PIAS2: variants seen among roughly 807,000 people sequenced by gnomAD.
PIAS2 encodes protein inhibitor of activated STAT 2.
PIAS2 carries 19 observed loss-of-function variants against 69.7 expected under a neutral mutation model. That is an observed-to-expected ratio of 0.27 (90% CI 0.19 to 0.40). PIAS2 has a LOEUF of 0.40. Among genes scored for constraint, PIAS2 ranks in the 10% least tolerant of loss-of-function variants. The probability of loss-of-function intolerance (pLI) is 1.00; values close to 1 mark genes in which losing one functional copy is unlikely to be tolerated. For synonymous variants in PIAS2, 261 were observed against 263.2 expected (o/e 0.99, Z 0.08); for missense variants, 624 against 757.0 (o/e 0.82, Z 2.06).
intron 5 of PIAS2, among the ~76,000 whole-genome samples, chr18:46,847,406 G>T (rs1358703805): frequency 6.6e-6 from 1 of 151,926 alleles, no homozygotes; most frequent in Non-Finnish European, 1.5e-5. Context: ...CATTTCAGTT[G>T]TCATTAAATG....
intron 8 of PIAS2, 93 bp downstream of exon 8, chr18:46,843,961 T>C (rs1431276430): frequency 4.3e-6 from 3 of 695,664 alleles, no homozygotes; most frequent in Non-Finnish European, 7.3e-6. Context: ...GCATTCTTCA[T>C]AATATATCAT....
chr18:46,917,254 A>G, intron 1 of PIAS2, 68 bp downstream of exon 1: 1 of 1,425,876 alleles, frequency 7.0e-7, no homozygotes, highest in Admixed American at 2.5e-5. Context: ...GCGGCCGGCG[A>G]CGTTGCGGTT....
At chr18:46,899,117 G>A (rs552950100) in intron 1 of PIAS2, among the ~76,000 whole-genome samples, 8 of 151,412 alleles carry the variant, frequency 5.3e-5, no homozygotes, top group Admixed American at 2.0e-4. Context: ...AAATTCCAAC[G>A]ACTGGTTAAT....
chr18:46,809,557 ACCAG>A lies in PIAS2; in HGVS notation c.*2872_*2875del, dbSNP rs1288896550. On this transcript the variant is annotated 3_prime_UTR_variant, in exon 14 of 14. Transcript: ENST00000585916. ...GATCACCTGAGGTCGGGAGTTCGAGACCAGCCTGACCAAAATGGAGAAACCCCGT... is the reference window on the plus strand; with the variant it reads ...GATCACCTGAGGTCGGGAGTTCGAGACCTGACCAAAATGGAGAAACCCCGT... The A allele has an allele frequency of 6.6e-6, 1 of 152,180 alleles. No individual in the cohort carries two copies. Among genetic ancestry groups the A allele is most frequent in the African/African-American group, 2.4e-5 (1 of 41,430 alleles). The allele number at this position is 152,180 out of a possible 1,614,324, so 9.4% of individuals were successfully genotyped here. A position where few individuals can be genotyped will look rare whatever the true frequency, so the allele number is the denominator to read the frequency against.
intron 11 of PIAS2, among the ~76,000 whole-genome samples, chr18:46,822,943 A>G (rs1221764047): frequency 6.6e-6 from 1 of 152,140 alleles, no homozygotes; most frequent in African/African-American, 2.4e-5. Flanking sequence ...TTTCTACTTA[A>G]GAGTACATTT....
chr18:46,870,870 C>A (rs1029784413), intron 2 of PIAS2, among the ~76,000 whole-genome samples: 1 of 152,038 alleles, frequency 6.6e-6, no homozygotes, highest in Non-Finnish European at 1.5e-5. Context: ...CAGCCCAAGA[C>A]CCTCGATGGG....
At position 46,829,780 on chromosome 18, in the gene PIAS2, C is replaced by T; in HGVS notation, c.1290G>A (p.Lys430=). The change falls in exon 10 of 14, where the codon AAG becomes AAA. Residue 430 remains lysine, a synonymous_variant. Transcript: ENST00000585916. ...EDGSWCPMRP[K]KEAMKVSSQP... The stretch of plus-strand genomic sequence containing the variant: ...GGCTGGATACTTTCATAGCTTCTTT[C>T]TTCGGTCTCATTGGACACCAAGAAC... The T allele has an allele frequency of 6.2e-7, 1 of 1,613,646 alleles. No individual in the cohort carries two copies. The highest frequency in any genetic ancestry group is 2.2e-5 in the East Asian group (1 of 44,852).
chr18:46,912,643 T>C (rs1006160008), intron 1 of PIAS2, among the ~76,000 whole-genome samples: 27 of 152,012 alleles, frequency 1.8e-4, no homozygotes, highest in African/African-American at 6.0e-4. Context: ...AGGTGGAAAA[T>C]GACCTAAATT....
In PIAS2 at chr18:46,828,195, G is replaced by A. The variant is rs936313106; in HGVS notation, c.1337-65C>T. 7 of 1,390,366 alleles carry A rather than the reference G, an allele frequency of 5.0e-6. No homozygotes were observed. The East Asian group carries it at 9.6e-5, about 19-fold the overall frequency. 86.1% of individuals were successfully genotyped at this position (1,390,366 alleles called of 1,614,324 possible). On this transcript the variant is annotated intron_variant, in intron 10 of 13. Coordinates refer to ENST00000585916, the MANE Select transcript of PIAS2 (RefSeq NM_004671.5). ...ATAACACAAATAAACTCTAGTGGTA[G>A]AGTCTAGTATATTCAGTATAGTATG...
chr18:46,896,671 T>C (rs2054936121), intron 1 of PIAS2, among the ~76,000 whole-genome samples: 1 of 152,268 alleles, frequency 6.6e-6, no homozygotes. Context: ...GGCAAAAGCC[T>C]ATGAAATGGC....
At chr18:46,864,698 A>T (rs760658248) in intron 2 of PIAS2, among the ~76,000 whole-genome samples, 3 of 151,512 alleles carry the variant, frequency 2.0e-5, no homozygotes, top group Non-Finnish European at 4.4e-5. Flanking sequence ...TGAACCCAGA[A>T]GGTGGAGGTT....
upstream of PIAS2, chr18:46,920,106 C>T (rs1447770277): frequency 1.6e-6 from 2 of 1,289,428 alleles, no homozygotes; most frequent in Admixed American, 4.6e-5. Flanking sequence ...CTGCCCCTTC[C>T]TCAATGTGTA....
upstream of PIAS2, among the ~76,000 whole-genome samples, chr18:46,918,510 A>G (rs1442194532): frequency 6.6e-6 from 1 of 152,048 alleles, no homozygotes; most frequent in Non-Finnish European, 1.5e-5. Flanking sequence ...GCTGGAGTGC[A>G]ATGGCACGAT....
chr18:46,856,926 A>G (rs1025885651), intron 3 of PIAS2, among the ~76,000 whole-genome samples: 1 of 152,240 alleles, frequency 6.6e-6, no homozygotes, highest in Non-Finnish European at 1.5e-5. Context: ...TACAGTCCCA[A>G]GCTGCACAAC....
chr18:46,812,777 T>G (rs373471608), intron 13 of PIAS2, among the ~76,000 whole-genome samples, 165 bp from the exon 14 acceptor site: 10 of 152,170 alleles, frequency 6.6e-5, no homozygotes, highest in African/African-American at 2.4e-4. Context: ...ATAGCATGAA[T>G]TTAGCTATTT....
At chr18:46,884,701 A>C (rs1257133507) in intron 2 of PIAS2, among the ~76,000 whole-genome samples, 11 of 152,104 alleles carry the variant, frequency 7.2e-5, no homozygotes, top group Admixed American at 7.2e-4. Flanking sequence ...AGATCACTTG[A>C]GGTCAGGAGT....
At chr18:46,849,581 TTA>T (rs150998049) in intron 5 of PIAS2, among the ~76,000 whole-genome samples, 7,098 of 152,244 alleles carry the variant, frequency 0.047, 186 homozygotes, top group Non-Finnish European at 0.061. Context: ...AAAGAATTTT[TTA>T]TGTTTCATGC....
In PIAS2 at chr18:46,803,647, T is replaced by C. The variant is rs985517898; in HGVS notation, c.*8786A>G. On this transcript the variant is annotated 3_prime_UTR_variant, in exon 14 of 14. Transcript: ENST00000585916. The stretch of plus-strand genomic sequence containing the variant: ...TCCAGTTCCAAAGTATTGAGTCTAA[T>C]AATGATTTGGGTCAGGTGGCTAGCC... The C allele has an allele frequency of 1.3e-5, 2 of 152,248 alleles. No individual in the cohort carries two copies. The highest frequency in any genetic ancestry group is 2.4e-5 in the African/African-American group (1 of 41,460). The allele number at this position is 152,248 out of a possible 1,614,324, so 9.4% of individuals were successfully genotyped here.
intron 3 of PIAS2, among the ~76,000 whole-genome samples, chr18:46,856,308 T>G (rs1444704358): frequency 5.9e-5 from 9 of 152,042 alleles, no homozygotes; most frequent in Non-Finnish European, 1.3e-4. Flanking sequence ...CCAAAGACTT[T>G]TCTTTTACTA....
Sources: gnomAD v4.1 joint callset for allele counts (sites outside exome capture counted in the v4.1 genomes callset) on GRCh38, gnomAD v4.1.1 for gene constraint, MANE v1.5 for transcripts, NCBI Gene and HGNC (gene_info 2026-07-23, HGNC 2026-07-21) for gene names.